Variants in FGD3 observed in about 807,000 individuals in gnomAD.
FGD3 encodes the protein FYVE, RhoGEF and PH domain containing 3, also known as FYVE, RhoGEF and PH domain-containing protein 3.
A neutral mutation model predicts 71.8 loss-of-function variants in FGD3; 45 were observed. The ratio of observed to expected loss-of-function variants is 0.63; its 90% CI spans 0.49 to 0.80. FGD3 has a LOEUF of 0.80. Ranked by LOEUF, FGD3 falls within the 30% of genes least tolerant of loss-of-function variation. The probability of loss-of-function intolerance (pLI) is 0.00; values close to 1 mark genes in which losing one functional copy is unlikely to be tolerated. For missense variants in FGD3, 844 were observed against 951.5 expected, an observed-to-expected ratio of 0.89 and a Z score of 1.49; for synonymous variants, 378 against 392.8, an observed-to-expected ratio of 0.96 and a Z score of 0.44.
Position 93,010,232 on chromosome 9 carries a change from C to G in FGD3, c.838-14C>G. ...GTGTCCTTGGAGTGCCCAATGCTCC[C>G]TCTGTCCCCACAGAAGCAGGAGGTA... On this transcript the variant is annotated splice_polypyrimidine_tract_variant and intron_variant, in intron 6 of 17. Coordinates refer to ENST00000375482, the MANE Select transcript of FGD3 (RefSeq NM_001083536.2). 4 of 1,598,126 alleles carry G rather than the reference C, an allele frequency of 2.5e-6. No homozygotes were observed. The highest frequency in any genetic ancestry group is 3.4e-6 in the Non-Finnish European group (4 of 1,168,624).
intron 14 of FGD3, among the ~76,000 whole-genome samples, chr9:93,028,054 CTT>C (rs1015029988): frequency 6.6e-6 from 1 of 152,008 alleles, no homozygotes; most frequent in Non-Finnish European, 1.5e-5. Flanking sequence ...TTATGTTAAA[CTT>C]TTTTTAAGCG....
intron 1 of FGD3, among the ~76,000 whole-genome samples, chr9:92,968,596 TTTC>T (rs1859419181): frequency 9.7e-6 from 1 of 102,576 alleles, no homozygotes; most frequent in African/African-American, 4.0e-5. Flanking sequence ...TCTTTTCTTT[TTTC>T]TTTCTTTCTT....
intron 1 of FGD3, among the ~76,000 whole-genome samples, chr9:92,961,665 T>C (rs1859169567): frequency 6.6e-6 from 1 of 152,186 alleles, no homozygotes; most frequent in Non-Finnish European, 1.5e-5. Context: ...GGCTATGGCT[T>C]GGGGACCTCT....
chr9:93,000,006 G>A (rs533324714), intron 3 of FGD3, among the ~76,000 whole-genome samples: 8 of 151,834 alleles, frequency 5.3e-5, no homozygotes, highest in Non-Finnish European at 8.8e-5. Flanking sequence ...TAGGTTTTTT[G>A]TGTCCCTCCT....
At chr9:92,978,552 C>T (rs1260745141) in intron 3 of FGD3, among the ~76,000 whole-genome samples, 1 of 151,850 alleles carries the variant, frequency 6.6e-6, no homozygotes, top group Non-Finnish European at 1.5e-5. Context: ...TGCACACTTG[C>T]GTGCATTTGT....
rs1049488589 is a variant in FGD3, at chr9:93,003,913, G to A, written c.544-88G>A. 2.0e-5 allele frequency: 31 copies of A among 1,528,022 alleles called. No homozygotes were observed. In the African/African-American group the frequency reaches 3.6e-4, roughly 18 times the overall value. The allele number at this position is 1,528,022 out of a possible 1,614,324, so 94.7% of individuals were successfully genotyped here. A position where few individuals can be genotyped will look rare whatever the true frequency, so the allele number is the denominator to read the frequency against. On this transcript the variant is annotated intron_variant, in intron 4 of 17. Coordinates refer to ENST00000375482, the MANE Select transcript of FGD3 (RefSeq NM_001083536.2). The surrounding 1 kb of genome is among the most constrained non-coding windows in gnomAD (Gnocchi z 4.1). ...CAAGGTGGCAGCAGCGGCCCCTCCC[G>A]AGCGCCCTCACCTGTGGCCGAAGCG...
At chr9:92,972,757 C>T (rs1489267378) in intron 1 of FGD3, among the ~76,000 whole-genome samples, 1 of 152,092 alleles carries the variant, frequency 6.6e-6, no homozygotes, top group African/African-American at 2.4e-5. Flanking sequence ...AGTTTTCCCA[C>T]ATTTCACTGT....
At chr9:92,958,834 T>C (rs1273345630) in intron 1 of FGD3, among the ~76,000 whole-genome samples, 1 of 152,264 alleles carries the variant, frequency 6.6e-6, no homozygotes, top group Non-Finnish European at 1.5e-5. Flanking sequence ...TCCCTATTGA[T>C]ATGTACTGGC....
At chr9:92,997,966 G>A (rs1860711693) in intron 3 of FGD3, among the ~76,000 whole-genome samples, 1 of 152,130 alleles carries the variant, frequency 6.6e-6, no homozygotes, top group Admixed American at 6.6e-5. Flanking sequence ...CTCTTCTCAA[G>A]GAGTATCTTT....
intron 1 of FGD3, among the ~76,000 whole-genome samples, chr9:92,951,696 A>C (rs1467335003): frequency 6.6e-6 from 1 of 152,226 alleles, no homozygotes; most frequent in African/African-American, 2.4e-5. Context: ...TTAATTAATG[A>C]AAGTTGTGTA....
At chr9:93,008,312 G>A (rs1439592801) in intron 6 of FGD3, among the ~76,000 whole-genome samples, 1 of 152,102 alleles carries the variant, frequency 6.6e-6, no homozygotes, top group African/African-American at 2.4e-5. Context: ...TATCTACTCC[G>A]CAGCCCACAC....
chr9:93,020,472 C>T (rs1861875978), intron 13 of FGD3, 48 bp downstream of exon 13: 2 of 1,534,836 alleles, frequency 1.3e-6, no homozygotes, highest in South Asian at 2.3e-5. Flanking sequence ...GGACGGGCTA[C>T]CTGTGGAGAG....
At chr9:92,959,441 T>C (rs1162472291) in intron 1 of FGD3, among the ~76,000 whole-genome samples, 2 of 152,016 alleles carry the variant, frequency 1.3e-5, no homozygotes, top group Admixed American at 1.3e-4. Context: ...GGTGGGTGGC[T>C]CATGCCTGTA....
intron 14 of FGD3, among the ~76,000 whole-genome samples, chr9:93,023,104 G>A (rs1238102864): frequency 6.6e-6 from 1 of 152,204 alleles, no homozygotes; most frequent in Non-Finnish European, 1.5e-5. Flanking sequence ...CAACATCACC[G>A]TGGAGCACCC....
intron 10 of FGD3, among the ~76,000 whole-genome samples, chr9:93,017,461 G>A (rs992736439): frequency 4.0e-5 from 6 of 151,746 alleles, no homozygotes; most frequent in Non-Finnish European, 5.9e-5. Context: ...AAGCCCTCCC[G>A]ACAGGGGACA....
At chr9:93,023,544 T>A (rs1327229025) in intron 14 of FGD3, among the ~76,000 whole-genome samples, 1 of 152,118 alleles carries the variant, frequency 6.6e-6, no homozygotes, top group African/African-American at 2.4e-5. Context: ...TGACACGGGG[T>A]GGGCAGCTTG....
At chr9:93,019,529 GCT>G (rs909083116) in intron 11 of FGD3, among the ~76,000 whole-genome samples, 14 of 152,206 alleles carry the variant, frequency 9.2e-5, no homozygotes, top group African/African-American at 3.1e-4. Flanking sequence ...GTCAGGCTGT[GCT>G]CTGACTAGCC....
intron 1 of FGD3, among the ~76,000 whole-genome samples, chr9:92,951,162 A>G (rs139339795): frequency 1.2e-4 from 19 of 152,260 alleles, no homozygotes; most frequent in African/African-American, 4.3e-4. Context: ...GGGCTTTTAG[A>G]AGGAAAATGG....
Position 92,969,924 on chromosome 9 carries a change from C to T in FGD3, c.-217-5314C>T, listed in dbSNP as rs901741185. 2.0e-5 allele frequency among the ~76,000 whole-genome samples: 3 copies of T among 152,330 alleles called. No individual in the cohort carries two copies. Among genetic ancestry groups the T allele is most frequent in the South Asian group, 2.1e-4 (1 of 4,832 alleles). On this transcript the variant is annotated intron_variant, in intron 1 of 17. Transcript: ENST00000375482. The surrounding 1 kb of genome is among the most constrained non-coding windows in gnomAD (Gnocchi z 4.5). Reference sequence around the variant, plus strand: ...ATTTCTTCAGGTTTGTGGATTTCCTCGTGCTACAAGGTGGCAGCCCTGAGT... The same window carrying T: ...ATTTCTTCAGGTTTGTGGATTTCCTTGTGCTACAAGGTGGCAGCCCTGAGT...
Sources: allele counts gnomAD v4.1 joint callset (sites outside exome capture counted in the v4.1 genomes callset), GRCh38; gene constraint gnomAD v4.1.1; non-coding constraint Gnocchi (gnomAD v3.1); transcripts MANE v1.5; gene names NCBI Gene and HGNC (gene_info 2026-07-23, HGNC 2026-07-21).